TCHP: variants seen among roughly 807,000 people sequenced by gnomAD.
TCHP encodes trichoplein keratin filament-binding protein.
A neutral mutation model predicts 88.7 loss-of-function variants in TCHP; 81 were observed. The observed-to-expected ratio is 0.91, with a 90% confidence interval of 0.76 to 1.10. The LOEUF (loss-of-function observed/expected upper bound fraction) is 1.10, where lower values mean the gene tolerates loss of function less well. TCHP is among the 50% of genes least tolerant of loss of function. The pLI is 0.00. For synonymous variants in TCHP, 232 were observed against 232.5 expected, an observed-to-expected ratio of 1.00 and a Z score of 0.02; for missense variants, 641 against 632.1, an observed-to-expected ratio of 1.01 and a Z score of -0.15.
At chr12:109,907,839 C>G (rs1360706835) in intron 6 of TCHP, 140 bp downstream of exon 6, 1 of 870,696 alleles carries the variant, frequency 1.1e-6, no homozygotes, top group East Asian at 2.7e-5. Flanking sequence ...GGTTCTCCCT[C>G]TCACATGCAT....
intron 12 of TCHP, 131 bp downstream of exon 12, chr12:109,915,677 T>G: frequency 1.6e-5 from 18 of 1,114,976 alleles, no homozygotes; most frequent in South Asian, 1.6e-5. Flanking sequence ...CTTGTTTCTC[T>G]TCTCTTGTAT....
chr12:109,897,139 C>G (rs903391568), upstream of TCHP, among the ~76,000 whole-genome samples: 2 of 152,142 alleles, frequency 1.3e-5, no homozygotes, highest in African/African-American at 4.8e-5. Flanking sequence ...CTTTTCGAGG[C>G]TTAGTTTAGG....
At chr12:109,915,805 C>T (rs759138930) in intron 12 of TCHP, among the ~76,000 whole-genome samples, 2 of 152,178 alleles carry the variant, frequency 1.3e-5, no homozygotes, top group Non-Finnish European at 2.9e-5. Context: ...CATGCCTGTC[C>T]ACCCTCTTTG....
Position 109,905,269 on chromosome 12 carries a change from C to A in TCHP, c.456+476C>A, listed in dbSNP as rs555746917. Among the ~76,000 whole-genome samples, 1 of 152,142 alleles carries A rather than the reference C, an allele frequency of 6.6e-6. No individual in the cohort carries two copies. Among genetic ancestry groups the A allele is most frequent in the Non-Finnish European group, 1.5e-5 (1 of 68,016 alleles). On this transcript the variant is annotated intron_variant, in intron 4 of 12. Coordinates refer to ENST00000405876, the MANE Select transcript of TCHP (RefSeq NM_001143852.2). This position sits in a 1 kb window ranked among gnomAD's most constrained non-coding sequence, Gnocchi z 4.0. ...GACTGTGAGAACCAGGCTTGAGACTCGAGAACAGAGCGAGCCCTGGGAGCT... is the reference window on the plus strand; with the variant it reads ...GACTGTGAGAACCAGGCTTGAGACTAGAGAACAGAGCGAGCCCTGGGAGCT...
chr12:109,886,924 G>A, the TCHP span, among the ~76,000 whole-genome samples: 1 of 151,836 alleles, frequency 6.6e-6, no homozygotes. Flanking sequence ...GGTCAGGCTG[G>A]TCTCGAACTC....
At chr12:109,907,725 G>A (rs1331832687) in intron 6 of TCHP, 26 bp downstream of exon 6, 10 of 1,571,438 alleles carry the variant, frequency 6.4e-6, no homozygotes, top group Non-Finnish European at 7.8e-6. Flanking sequence ...TCTCAGCCGT[G>A]ACCTCCTCCA....
chr12:109,913,277 C>A (rs1292458888), intron 10 of TCHP, among the ~76,000 whole-genome samples: 1 of 152,184 alleles, frequency 6.6e-6, no homozygotes, highest in African/African-American at 2.4e-5. Flanking sequence ...AAAAAGTCCC[C>A]CAGAGCCCAT....
At chr12:109,908,964 C>T in intron 8 of TCHP, 27 bp downstream of exon 8, 1 of 1,610,938 alleles carries the variant, frequency 6.2e-7, no homozygotes, top group South Asian at 1.1e-5. Flanking sequence ...AGCCTGACAT[C>T]TTTCTTAGCC....
At chr12:109,884,207 GAGA>G in the TCHP span, among the ~76,000 whole-genome samples, 1 of 149,616 alleles carries the variant, frequency 6.7e-6, no homozygotes, top group African/African-American at 2.5e-5. Context: ...TCTTTTTTTT[GAGA>G]AGGAGTCTCA....
At chr12:109,913,265 G>GAA (rs1870613806) in intron 10 of TCHP, among the ~76,000 whole-genome samples, 193 bp downstream of exon 10, 1 of 152,138 alleles carries the variant, frequency 6.6e-6, no homozygotes, top group Non-Finnish European at 1.5e-5. Flanking sequence ...AGTAGAAATG[G>GAA]AAAAAAGTCC....
chr12:109,900,450 C>A (rs909398858), intron 1 of TCHP, 24 bp downstream of exon 1: 9 of 152,240 alleles, frequency 5.9e-5, no homozygotes, highest in Non-Finnish European at 1.3e-4. Context: ...TTGGACTAGG[C>A]CGGATCCGGC....
the TCHP span, chr12:109,888,533 C>G: frequency 6.6e-6 from 1 of 152,212 alleles, no homozygotes; most frequent in African/African-American, 2.4e-5. Flanking sequence ...ATAACATCTT[C>G]CCCAACTGAA....
In TCHP at chr12:109,903,001, C is replaced by G. The variant is rs763333352; in HGVS notation, c.1-26C>G. On this transcript the variant is annotated intron_variant, in intron 1 of 12. Transcript: ENST00000405876. The surrounding 1 kb of genome is among the most constrained non-coding windows in gnomAD (Gnocchi z 4.6). ...AGGGTTCCTGGGATTTGCAGTGGCT[C>G]ACTTTCCTCCCATTCCTGTTCTCAG... is the stretch of plus-strand genomic sequence containing the variant. 2 of 1,571,112 alleles carry G rather than the reference C, an allele frequency of 1.3e-6. No homozygotes were observed. The highest frequency in any genetic ancestry group is 8.6e-7 in the Non-Finnish European group (1 of 1,156,132).
chr12:109,897,259 G>A (rs1869584984), upstream of TCHP, among the ~76,000 whole-genome samples: 1 of 152,234 alleles, frequency 6.6e-6, no homozygotes, highest in African/African-American at 2.4e-5. Flanking sequence ...GTGTAATCAA[G>A]AGGTTCAGAG....
At chr12:109,894,765 CAA>C in the TCHP span, among the ~76,000 whole-genome samples, 3,671 of 74,148 alleles carry the variant, frequency 0.05, 99 homozygotes, top group African/African-American at 0.13. Flanking sequence ...AACTCTGTCC[CAA>C]AAAAAAAAAA....
chr12:109,903,310 G>T lies in TCHP; in HGVS notation c.188+96G>T. On this transcript the variant is annotated intron_variant, in intron 2 of 12. Transcript: ENST00000405876. This position sits in a 1 kb window ranked among gnomAD's most constrained non-coding sequence, Gnocchi z 4.6. The stretch of plus-strand genomic sequence containing the variant: ...GATTTAGGGAGCGTAGGATTTGCCA[G>T]GCAGTATGAATTACCTGCATGGTGA... 1 of 1,215,824 alleles carries T rather than the reference G, an allele frequency of 8.2e-7. No individual in the cohort carries two copies. The allele number at this position is 1,215,824 out of a possible 1,614,324, so 75.3% of individuals were successfully genotyped here. A position where few individuals can be genotyped will look rare whatever the true frequency, so the allele number is the denominator to read the frequency against.
the TCHP span, among the ~76,000 whole-genome samples, chr12:109,888,642 A>G: frequency 6.6e-6 from 1 of 152,168 alleles, no homozygotes; most frequent in Non-Finnish European, 1.5e-5. Flanking sequence ...ATTTTATCCA[A>G]TAAACGCACC....
Position 109,905,767 on chromosome 12 carries a change from G to C in TCHP, c.457-805G>C, listed in dbSNP as rs1206720035. On this transcript the variant is annotated intron_variant, in intron 4 of 12. Coordinates refer to ENST00000405876, the MANE Select transcript of TCHP (RefSeq NM_001143852.2). This position sits in a 1 kb window ranked among gnomAD's most constrained non-coding sequence, Gnocchi z 4.0. ...ATCTGTGGGAGGACTCCTTAGCCCT[G>C]TTGGCTTCGGTGGAATCATCCAGAG... Among the ~76,000 whole-genome samples, 1 of 152,218 alleles carries C rather than the reference G, an allele frequency of 6.6e-6. No homozygotes were observed. The highest frequency in any genetic ancestry group is 1.5e-5 in the Non-Finnish European group (1 of 68,036).
At position 109,905,886 on chromosome 12, in the gene TCHP, A is replaced by G. The variant is rs915499585; in HGVS notation, c.457-686A>G. On this transcript the variant is annotated intron_variant, in intron 4 of 12. Transcript: ENST00000405876. The surrounding 1 kb of genome is among the most constrained non-coding windows in gnomAD (Gnocchi z 4.0). ...AAAGATTATTTTAAAACTTTTTTAT[A>G]GAGACAGGGTCTCCCTGTGTTGCTC... Among the ~76,000 whole-genome samples, 6 of 152,344 alleles carry G rather than the reference A, an allele frequency of 3.9e-5. No homozygotes were observed. The East Asian group carries it at 5.8e-4, about 15-fold the overall frequency.
Sources: gnomAD v4.1 joint callset for allele counts (sites outside exome capture counted in the v4.1 genomes callset) on GRCh38, gnomAD v4.1.1 for gene constraint, Gnocchi (gnomAD v3.1) non-coding constraint, MANE v1.5 for transcripts, NCBI Gene and HGNC (gene_info 2026-07-23, HGNC 2026-07-21) for gene names.